NAALADL2: variants seen among roughly 807,000 people sequenced by gnomAD.
NAALADL2 encodes the protein N-acetylated alpha-linked acidic dipeptidase like 2.
In NAALADL2, 76 loss-of-function variants were observed where a neutral mutation model predicts 87.2. That is an observed-to-expected ratio of 0.87 (90% CI 0.72 to 1.05). The LOEUF is 1.05. Ranked by LOEUF, NAALADL2 falls within the 50% of genes least tolerant of loss-of-function variation. The pLI, the probability that NAALADL2 is intolerant of heterozygous loss-of-function variation, is 0.00. For missense variants in NAALADL2, 1,089 were observed against 945.8 expected, an observed-to-expected ratio of 1.15 and a Z score of -1.99; for synonymous variants, 354 against 331.0, an observed-to-expected ratio of 1.07 and a Z score of -0.75.
At chr3:174,808,261 G>C (rs1028512742) in intron 3 of NAALADL2, among the ~76,000 whole-genome samples, 1 of 151,978 alleles carries the variant, frequency 6.6e-6, no homozygotes, top group Non-Finnish European at 1.5e-5. Context: ...AAAAATTGAA[G>C]TCTAAAAACA....
At chr3:175,344,153 G>T (rs1158402582) in intron 5 of NAALADL2, among the ~76,000 whole-genome samples, 1 of 152,062 alleles carries the variant, frequency 6.6e-6, no homozygotes, top group Non-Finnish European at 1.5e-5. Flanking sequence ...AGAGGTCAAA[G>T]TGTTTATGTG....
intron 2 of NAALADL2, among the ~76,000 whole-genome samples, chr3:175,131,333 G>C (rs1727817815): frequency 6.6e-6 from 1 of 151,922 alleles, no homozygotes; most frequent in African/African-American, 2.4e-5. Context: ...GGATACTTGA[G>C]ATTAGGGAGT....
chr3:175,385,298 C>G (rs548791216), intron 5 of NAALADL2, among the ~76,000 whole-genome samples: 16 of 152,142 alleles, frequency 1.1e-4, no homozygotes, highest in Admixed American at 1.0e-3. Flanking sequence ...TGATTCTTGT[C>G]TAATCTACCC....
intron 1 of NAALADL2, chr3:175,059,994 G>A (rs541550791): frequency 1.1e-3 from 494 of 433,840 alleles, no homozygotes; most frequent in Middle Eastern, 2.7e-3. Flanking sequence ...TGAGCACATG[G>A]AGGCCAGCAG....
intron 6 of NAALADL2, among the ~76,000 whole-genome samples, chr3:175,454,533 C>T (rs1169186392): frequency 2.0e-5 from 3 of 152,020 alleles, no homozygotes; most frequent in Admixed American, 2.0e-4. Flanking sequence ...ACTTTGTCTT[C>T]TGACCTTTGC....
chr3:175,717,262 A>C (rs1391547923), intron 11 of NAALADL2, among the ~76,000 whole-genome samples: 1 of 152,186 alleles, frequency 6.6e-6, no homozygotes, highest in Non-Finnish European at 1.5e-5. Flanking sequence ...GCAGGGCTAC[A>C]AGCACTGATT....
intron 3 of NAALADL2, among the ~76,000 whole-genome samples, chr3:175,249,495 A>G (rs1370771242): frequency 6.6e-6 from 1 of 152,048 alleles, no homozygotes; most frequent in Non-Finnish European, 1.5e-5. Context: ...ATTCTCTATC[A>G]CTGATGATAG....
chr3:175,099,722 G>A (rs1218274686), intron 2 of NAALADL2, among the ~76,000 whole-genome samples: 2 of 152,016 alleles, frequency 1.3e-5, no homozygotes, highest in Non-Finnish European at 2.9e-5. Flanking sequence ...TCCTGGACAT[G>A]CTCTAAACCT....
At chr3:174,697,333 T>C (rs781494028) in intron 2 of NAALADL2, among the ~76,000 whole-genome samples, 1 of 152,216 alleles carries the variant, frequency 6.6e-6, no homozygotes, top group Non-Finnish European at 1.5e-5. Context: ...ATAAAAGGCA[T>C]AATCACTTAA....
intron 1 of NAALADL2, chr3:174,523,593 T>C (rs1291560048): frequency 1.3e-5 from 2 of 152,204 alleles, no homozygotes. Context: ...ACCTAACACA[T>C]AGTGGCAACA....
intron 3 of NAALADL2, among the ~76,000 whole-genome samples, chr3:174,798,026 TTTTA>T (rs778860422): frequency 6.6e-6 from 1 of 150,566 alleles, no homozygotes; most frequent in Admixed American, 6.7e-5. Context: ...ATCAGTTAGT[TTTTA>T]TTTATTATGT....
chr3:175,133,941 G>A (rs1175417816), intron 2 of NAALADL2, among the ~76,000 whole-genome samples: 2 of 152,092 alleles, frequency 1.3e-5, no homozygotes, highest in Non-Finnish European at 2.9e-5. Flanking sequence ...CCCAAATCAA[G>A]CAACTAGTTG....
At chr3:175,708,560 T>C (rs1740064258) in intron 11 of NAALADL2, among the ~76,000 whole-genome samples, 1 of 151,280 alleles carries the variant, frequency 6.6e-6, no homozygotes, top group Non-Finnish European at 1.5e-5. Context: ...ATGGACAAAG[T>C]AGAGACGGAG....
intron 5 of NAALADL2, among the ~76,000 whole-genome samples, chr3:175,354,548 C>T (rs1764131702): frequency 6.6e-6 from 1 of 152,076 alleles, no homozygotes; most frequent in African/African-American, 2.4e-5. Context: ...ATCACATATA[C>T]ATTTTTTCCA....
chr3:174,773,773 T>C (rs1714867508), intron 3 of NAALADL2, among the ~76,000 whole-genome samples: 1 of 152,120 alleles, frequency 6.6e-6, no homozygotes, highest in African/African-American at 2.4e-5. Context: ...TTCTTTCCTT[T>C]GAGAGCCTCA....
At chr3:174,697,555 G>A (rs552008) in intron 2 of NAALADL2, among the ~76,000 whole-genome samples, 83,634 of 151,772 alleles carry the variant, frequency 0.55, 23,501 homozygotes, top group East Asian at 0.84. Context: ...GAAGCTGACA[G>A]GGTAATGACA....
intron 1 of NAALADL2, among the ~76,000 whole-genome samples, chr3:174,898,112 CAAAAAAAAAAAAAAAAAAAA>C (rs913382744): frequency 1.4e-4 from 2 of 14,498 alleles, no homozygotes; most frequent in Non-Finnish European, 2.4e-4. Flanking sequence ...GACTCCGTCT[CAAAAAAAAAAAAAAAAAAAA>C]AAAAAAAAAA....
At chr3:175,433,531 T>TAGCG (rs1343649106) in intron 5 of NAALADL2, among the ~76,000 whole-genome samples, 1 of 152,014 alleles carries the variant, frequency 6.6e-6, no homozygotes, top group Non-Finnish European at 1.5e-5. Context: ...ACAGGACCAT[T>TAGCG]AGCGCTATAC....
At chr3:175,317,806 A>C (rs1419477993) in intron 4 of NAALADL2, among the ~76,000 whole-genome samples, 1 of 152,172 alleles carries the variant, frequency 6.6e-6, no homozygotes, top group East Asian at 1.9e-4. Context: ...AAAAGAAATA[A>C]TGTTAATTGT....
Sources: gnomAD v4.1 joint callset for allele counts (sites outside exome capture counted in the v4.1 genomes callset) on GRCh38, gnomAD v4.1.1 for gene constraint, MANE v1.5 for transcripts, NCBI Gene and HGNC (gene_info 2026-07-23, HGNC 2026-07-21) for gene names.